Variants in RIF1 observed in about 807,000 individuals in gnomAD.
The protein encoded by RIF1 is telomere-associated protein RIF1.
Under a neutral mutation model 247.1 loss-of-function variants are expected in RIF1, and 45 were observed. That is an observed-to-expected ratio of 0.18 (90% CI 0.14 to 0.23). The LOEUF is 0.23. Among genes scored for constraint, RIF1 ranks in the 10% least tolerant of loss-of-function variants. The pLI is 1.00. For missense variants in RIF1, 2,967 were observed against 2,862.5 expected (o/e 1.04, Z -0.83); for synonymous variants, 1,087 against 978.8 (o/e 1.11, Z -2.06).
At chr2:151,519,348 T>C in the RIF1 span, among the ~76,000 whole-genome samples, 1 of 152,178 alleles carries the variant, frequency 6.6e-6, no homozygotes, top group Admixed American at 6.5e-5. Context: ...CTTGAACATA[T>C]TATGCTAAGT....
At chr2:151,449,181 C>T (rs1693831799) in intron 20 of RIF1, among the ~76,000 whole-genome samples, 1 of 152,162 alleles carries the variant, frequency 6.6e-6, no homozygotes, top group Non-Finnish European at 1.5e-5. Context: ...AAAGTTGTTG[C>T]TTACATACTT....
the RIF1 span, chr2:151,526,379 G>A: frequency 1.4e-6 from 1 of 738,510 alleles, no homozygotes; most frequent in Non-Finnish European, 2.3e-6. Context: ...AATAAAAGAT[G>A]TGATACTTGC....
At chr2:151,418,874 C>CAA (rs572725777) in intron 6 of RIF1, among the ~76,000 whole-genome samples, 1 of 126,446 alleles carries the variant, frequency 7.9e-6, no homozygotes, top group Non-Finnish European at 1.7e-5. Context: ...GACTTGGTCT[C>CAA]AAAAAAAAAA....
rs1174818070 is a variant in RIF1 at position 151,481,226 on chromosome 2, C to G, written c.*6155C>G. On this transcript the variant is annotated 3_prime_UTR_variant, in exon 36 of 36. Transcript: ENST00000444746. The stretch of plus-strand genomic sequence containing the variant: ...TGTTAGTCAATTTAGTTATTTGCTT[C>G]TAGCTGGCAGAATGTGGTCTTGATT... 1 of 152,158 alleles carries G rather than the reference C, an allele frequency of 6.6e-6. No homozygotes were observed. Among genetic ancestry groups the G allele is most frequent in the Non-Finnish European group, 1.5e-5 (1 of 68,020 alleles). The allele number at this position is 152,158 out of a possible 1,614,324, so 9.4% of individuals were successfully genotyped here. A position where few individuals can be genotyped will look rare whatever the true frequency, so the allele number is the denominator to read the frequency against.
At chr2:151,446,301 T>G in intron 19 of RIF1, 125 bp from the exon 20 acceptor site, 1,337 of 791,608 alleles carry the variant, frequency 1.7e-3, no homozygotes, top group East Asian at 2.9e-3. Context: ...ACCCGGCCGT[T>G]AGTGTCTTTT....
chr2:151,442,217 A>T (rs1357607903), intron 16 of RIF1, among the ~76,000 whole-genome samples: 1 of 151,790 alleles, frequency 6.6e-6, no homozygotes, highest in Non-Finnish European at 1.5e-5. Flanking sequence ...CTGGGATTAC[A>T]GGCATGTGCC....
downstream of RIF1, among the ~76,000 whole-genome samples, chr2:151,510,241 G>T (rs1331945176): frequency 6.6e-6 from 1 of 151,994 alleles, no homozygotes. Flanking sequence ...GGCCTGGGGA[G>T]TTTTTTTTAG....
chr2:151,464,406 TATGTC>T lies in RIF1; in HGVS notation c.4888_4892del (p.Cys1630GlyfsTer13). On this transcript the variant is annotated frameshift_variant, in exon 30 of 36. Transcript: ENST00000444746. LOFTEE classifies it high-confidence loss of function. ...AAACAAGATGAAAGTAATACTGTAA[TATGTC>T]AGGATTCTACAGTAACTTCAGATTT... 1 of 1,613,098 alleles carries T rather than the reference TATGTC, an allele frequency of 6.2e-7. No homozygotes were observed. Among genetic ancestry groups the T allele is most frequent in the Non-Finnish European group, 8.5e-7 (1 of 1,179,660 alleles).
At chr2:151,459,028 T>C in intron 25 of RIF1, 118 bp downstream of exon 25, 1 of 592,658 alleles carries the variant, frequency 1.7e-6, no homozygotes. Flanking sequence ...TTTTCCACAT[T>C]GTCAGTGGTG....
chr2:151,496,641 C>T (rs2060399301), intron 10 of RIF1, among the ~76,000 whole-genome samples: 1 of 151,926 alleles, frequency 6.6e-6, no homozygotes, highest in African/African-American at 2.4e-5. Flanking sequence ...AGTACGGTGC[C>T]TCCTAAACAA....
chr2:151,430,289 G>A (rs1044259110), intron 9 of RIF1, among the ~76,000 whole-genome samples: 2 of 151,854 alleles, frequency 1.3e-5, no homozygotes. Context: ...CCAAAGTGCT[G>A]GGATTCCAGG....
In RIF1 at chr2:151,437,234, C is replaced by T; in HGVS notation, c.1373-7C>T. ...TTACATAATTATCTTTTATTCTTCC[C>T]TTTCAGAGCCATTGGAACATCCGTT... On this transcript the variant is annotated splice_region_variant and splice_polypyrimidine_tract_variant and intron_variant, in intron 12 of 35. Coordinates refer to ENST00000444746, the MANE Select transcript of RIF1 (RefSeq NM_018151.5). The T allele has an allele frequency of 6.3e-7, 1 of 1,595,888 alleles. No homozygotes were observed. Among genetic ancestry groups the T allele is most frequent in the East Asian group, 2.2e-5 (1 of 44,760 alleles).
chr2:151,422,749 G>A (rs1359781918), intron 7 of RIF1, among the ~76,000 whole-genome samples: 1 of 151,678 alleles, frequency 6.6e-6, no homozygotes, highest in East Asian at 1.9e-4. Flanking sequence ...TGAGGCCGAG[G>A]CAGGTGATTC....
chr2:151,496,978 A>C (rs1458705313), intron 10 of RIF1: 1 of 1,581,560 alleles, frequency 6.3e-7, no homozygotes, highest in Admixed American at 1.8e-5. Context: ...GACTCTCTCC[A>C]TCTCAGGAGT....
At chr2:151,485,665 C>T (rs2049714734), downstream of RIF1, 7 of 1,218,376 alleles carry the variant, frequency 5.7e-6, no homozygotes, top group African/African-American at 1.5e-5. Flanking sequence ...AAACCATAGG[C>T]AGCTTGAGAA....
chr2:151,489,951 G>T, intron 9 of RIF1: 1 of 1,513,708 alleles, frequency 6.6e-7, no homozygotes, highest in Non-Finnish European at 9.2e-7. Context: ...ATTTATTTAA[G>T]TGAGTTGTTA....
the RIF1 span, chr2:151,519,054 C>G: frequency 6.2e-7 from 1 of 1,611,192 alleles, no homozygotes; most frequent in Non-Finnish European, 8.5e-7. Context: ...TTCTTCAGGT[C>G]AGCCTTGTAT....
rs546422983 is a variant in RIF1 at position 151,496,440 on chromosome 2, A to G, written c.*513+1114A>G. On this transcript the variant is annotated intron_variant and NMD_transcript_variant, in intron 10 of 13. Coordinates refer to the RIF1 transcript ENST00000454583. ...CATTTGTTGAGAGGTTTTAAGGGTA[A>G]GGTCAACTTCCTTGTTAAGAAAACA... is the stretch of plus-strand genomic sequence containing the variant. 45 of 1,513,306 alleles carry G rather than the reference A, an allele frequency of 3.0e-5. No individual in the cohort carries two copies. The African/African-American group carries it at 6.0e-4, about 20-fold the overall frequency. The allele number at this position is 1,513,306 out of a possible 1,614,324, so 93.7% of individuals were successfully genotyped here.
intron 9 of RIF1, chr2:151,493,242 CTT>C (rs2057945699): frequency 5.8e-6 from 5 of 867,492 alleles, no homozygotes; most frequent in Admixed American, 5.3e-5. Flanking sequence ...GCATTTTTCT[CTT>C]TTAAAATTTT....
Sources: gnomAD v4.1 joint callset for allele counts (sites outside exome capture counted in the v4.1 genomes callset) on GRCh38, gnomAD v4.1.1 for gene constraint, MANE v1.5 for transcripts, NCBI Gene and HGNC (gene_info 2026-07-23, HGNC 2026-07-21) for gene names.